PFKFB2: variants seen among roughly 807,000 people sequenced by gnomAD.
PFKFB2 encodes the protein 6-phosphofructo-2-kinase/fructose-2,6-bisphosphatase 2.
A neutral mutation model predicts 68.0 loss-of-function variants in PFKFB2; 53 were observed. That is an observed-to-expected ratio of 0.78 (90% CI 0.63 to 0.98). PFKFB2 has a LOEUF of 0.98. Ranked by LOEUF, PFKFB2 falls within the 50% of genes least tolerant of loss-of-function variation. PFKFB2 has a pLI of 0.00. For missense variants in PFKFB2, 451 were observed against 642.0 expected (o/e 0.70, Z 3.22); for synonymous variants, 222 against 227.6 (o/e 0.98, Z 0.22).
chr1:207,071,498 T>G lies in PFKFB2; in HGVS notation c.1286-11T>G, dbSNP rs1683464805. The stretch of plus-strand genomic sequence containing the variant: ...TTTTCTTTAAGTCCTCTCTTTCCTC[T>G]GTTTTCTCAGGGTGCAAAGTGGAAA... On this transcript the variant is annotated splice_polypyrimidine_tract_variant and intron_variant, in intron 13 of 14. Coordinates refer to ENST00000367080, the MANE Select transcript of PFKFB2 (RefSeq NM_006212.2). 1 of 1,611,044 alleles carries G rather than the reference T, an allele frequency of 6.2e-7. No homozygotes were observed. The highest frequency in any genetic ancestry group is 1.7e-5 in the Admixed American group (1 of 59,952).
At position 207,074,851 on chromosome 1, in the gene PFKFB2, C is replaced by T. The variant is rs898900855; in HGVS notation, c.*2480C>T. 1.0e-6 allele frequency: 1 copy of T among 985,336 alleles called. No individual in the cohort carries two copies. Among genetic ancestry groups the T allele is most frequent in the East Asian group, 1.1e-4 (1 of 8,830 alleles). The allele number at this position is 985,336 out of a possible 1,614,324, so 61.0% of individuals were successfully genotyped here. ...AGTGTTCAACCATCACATCGCTTCTCCTGACTTTTCTGTTGTCCTATGGCT... is the reference window on the plus strand; with the variant it reads ...AGTGTTCAACCATCACATCGCTTCTTCTGACTTTTCTGTTGTCCTATGGCT... On this transcript the variant is annotated 3_prime_UTR_variant, in exon 15 of 15. Transcript: ENST00000367080.
chr1:207,036,464 G>A lies in PFKFB2; in HGVS notation c.-62+1992G>A, dbSNP rs186959823. Among the ~76,000 whole-genome samples, 305 of 152,186 alleles carry A rather than the reference G, an allele frequency of 2.0e-3. 4 individuals carry two copies. Among genetic ancestry groups the A allele is most frequent in the African/African-American group, 7.0e-3 (292 of 41,518 alleles). ...CTCAAATGGGTACTTTATACTTCAG[G>A]CAATTACTACTTTTCTCTAGGAAGC... On this transcript the variant is annotated intron_variant, in intron 1 of 5. Coordinates refer to the PFKFB2 transcript ENST00000545806.
intron 1 of PFKFB2, among the ~76,000 whole-genome samples, chr1:207,053,961 T>A (rs1682837287): frequency 6.9e-6 from 1 of 144,322 alleles, no homozygotes. Context: ...TGGAGTGCAG[T>A]GGCGGGATCT....
chr1:207,079,126 C>A, downstream of PFKFB2: 2 of 927,916 alleles, frequency 2.2e-6, no homozygotes, highest in Admixed American at 1.8e-5. Context: ...GGGAACTGGA[C>A]TTTGGGGGCC....
chr1:207,077,903 A>G (rs1219770325), downstream of PFKFB2: 8 of 565,156 alleles, frequency 1.4e-5, no homozygotes, highest in South Asian at 5.4e-4. Flanking sequence ...CTCATGCTGC[A>G]CAAGGATTCA....
chr1:207,038,208 T>C (rs1236446144), intron 1 of PFKFB2, among the ~76,000 whole-genome samples: 1 of 152,218 alleles, frequency 6.6e-6, no homozygotes, highest in Non-Finnish European at 1.5e-5. Flanking sequence ...TGTTCATTCA[T>C]TCAACTATAT....
intron 1 of PFKFB2, among the ~76,000 whole-genome samples, chr1:207,039,337 AC>A (rs1296171176): frequency 6.6e-6 from 1 of 152,214 alleles, no homozygotes; most frequent in East Asian, 1.9e-4. Flanking sequence ...AATTCCAGTA[AC>A]TGTAAAATTT....
chr1:207,038,560 A>C (rs1682421451), intron 1 of PFKFB2, among the ~76,000 whole-genome samples: 2 of 152,198 alleles, frequency 1.3e-5, no homozygotes, highest in South Asian at 4.1e-4. Flanking sequence ...TTTATTTTTC[A>C]ACTGATTAGT....
upstream of PFKFB2, chr1:207,048,938 T>C (rs1437154744): frequency 2.4e-6 from 3 of 1,263,028 alleles, no homozygotes; most frequent in African/African-American, 1.5e-5. Context: ...CTTTGTTCTT[T>C]AGGGTTACCA....
rs533608024 is a variant in PFKFB2 at position 207,075,166 on chromosome 1, TA to T, written c.*2797del. The T allele has an allele frequency of 7.7e-5, 76 of 985,512 alleles. 1 individual carries two copies. In the South Asian group the frequency reaches 3.4e-3, roughly 44 times the overall value. 61.0% of individuals were successfully genotyped at this position (985,512 alleles called of 1,614,324 possible). ...CTTCTCTAACAAGCTAGCATTGTGT[TA>T]ACCTGTCATTAACCCAGCATTAGAG... On this transcript the variant is annotated 3_prime_UTR_variant, in exon 15 of 15. Transcript: ENST00000367080.
Position 207,068,182 on chromosome 1 carries a change from A to C in PFKFB2, c.860A>C (p.Lys287Thr), listed in dbSNP as rs1170424890. Residue 287 changes from lysine (K) to threonine (T), a missense_variant, in exon 10 of 15, where the codon AAA (lysine) becomes ACA (threonine). Coordinates refer to ENST00000367080, the MANE Select transcript of PFKFB2 (RefSeq NM_006212.2). ...RGKQFAQALR[K>T]FLEEQEITDL... ...CCCCAGTTTGCCCAAGCTCTAAGGAAATTTCTGGAGGAACAGGAAATAACA... is the reference window on the plus strand; with the variant it reads ...CCCCAGTTTGCCCAAGCTCTAAGGACATTTCTGGAGGAACAGGAAATAACA... The C allele has an allele frequency of 6.8e-6, 11 of 1,609,042 alleles. 1 individual carries two copies. In the South Asian group the frequency reaches 1.1e-4, roughly 16 times the overall value.
Position 207,076,302 on chromosome 1 carries a change from T to C in PFKFB2, c.*3931T>C. On this transcript the variant is annotated 3_prime_UTR_variant, in exon 15 of 15. Coordinates refer to ENST00000367080, the MANE Select transcript of PFKFB2 (RefSeq NM_006212.2). ...GAGATCTTAATTGACAGAAACTCAT[T>C]GGTGGTTGGAGTGGCCAATGGGCAC... 1 of 983,238 alleles carries C rather than the reference T, an allele frequency of 1.0e-6. No individual in the cohort carries two copies. Among genetic ancestry groups the C allele is most frequent in the Non-Finnish European group, 1.2e-6 (1 of 828,280 alleles). The allele number at this position is 983,238 out of a possible 1,614,324, so 60.9% of individuals were successfully genotyped here. A position where few individuals can be genotyped will look rare whatever the true frequency, so the allele number is the denominator to read the frequency against.
At chr1:207,040,494 G>A (rs1038010607) in intron 1 of PFKFB2, among the ~76,000 whole-genome samples, 2 of 151,692 alleles carry the variant, frequency 1.3e-5, no homozygotes, top group African/African-American at 4.9e-5. Context: ...GAGAGAGAAG[G>A]CTATTCATTC....
Position 207,072,683 on chromosome 1 carries a change from C to T in PFKFB2, c.*312C>T, listed in dbSNP as rs1289258317. On this transcript the variant is annotated 3_prime_UTR_variant, in exon 15 of 15. Transcript: ENST00000367080. ...CACTCCCTTGGGGCTGAGCATGCCC[C>T]ACACTCTTGGATCTTCTCTCTGTTC... 1.6e-5 allele frequency: 18 copies of T among 1,108,346 alleles called. No individual in the cohort carries two copies. Among genetic ancestry groups the T allele is most frequent in the Non-Finnish European group, 2.0e-5 (18 of 907,910 alleles). 68.7% of individuals were successfully genotyped at this position (1,108,346 alleles called of 1,614,324 possible). A position where few individuals can be genotyped will look rare whatever the true frequency, so the allele number is the denominator to read the frequency against.
intron 2 of PFKFB2, chr1:207,046,886 A>T (rs1220962344): frequency 6.6e-6 from 1 of 152,126 alleles, no homozygotes. Context: ...TTACTCAATA[A>T]ATATTTGTTG....
chr1:207,049,713 C>A (rs762097015), upstream of PFKFB2: 2 of 1,612,512 alleles, frequency 1.2e-6, no homozygotes, highest in South Asian at 2.2e-5. Context: ...CTTCAATGAT[C>A]AGCATGTCAC....
At position 207,072,710 on chromosome 1, in the gene PFKFB2, C is replaced by T; in HGVS notation, c.*339C>T. On this transcript the variant is annotated 3_prime_UTR_variant, in exon 15 of 15. Transcript: ENST00000367080. ...CACTCTTGGATCTTCTCTCTGTTCCCTGGTGTCTTCACTAATGTCCTCATG... is the reference window on the plus strand; with the variant it reads ...CACTCTTGGATCTTCTCTCTGTTCCTTGGTGTCTTCACTAATGTCCTCATG... The T allele has an allele frequency of 9.5e-7, 1 of 1,056,790 alleles. No individual in the cohort carries two copies. The highest frequency in any genetic ancestry group is 1.1e-6 in the Non-Finnish European group (1 of 876,268). The allele number at this position is 1,056,790 out of a possible 1,614,324, so 65.5% of individuals were successfully genotyped here. A position where few individuals can be genotyped will look rare whatever the true frequency, so the allele number is the denominator to read the frequency against.
In PFKFB2 at chr1:207,060,190, A is replaced by G. The variant is rs1202642462; in HGVS notation, c.86-1763A>G. On this transcript the variant is annotated intron_variant, in intron 2 of 14. Coordinates refer to ENST00000367080, the MANE Select transcript of PFKFB2 (RefSeq NM_006212.2). ...GATGAGGAACCTCTTTTTATGGAGA[A>G]AAGCTGCAAGGAAGCACAAGATCTG... 1.3e-5 allele frequency among the ~76,000 whole-genome samples: 2 copies of G among 152,208 alleles called. 1 individual carries two copies. The highest frequency in any genetic ancestry group is 2.9e-5 in the Non-Finnish European group (2 of 68,038).
rs1683616225 is a variant in PFKFB2 at position 207,076,165 on chromosome 1, A to C, written c.*3794A>C. ...ATCTGGGTAATCCTCTTTGCAACCC[A>C]CATTTGGTCTTCAGAGACACTGGCA... On this transcript the variant is annotated 3_prime_UTR_variant, in exon 15 of 15. Coordinates refer to ENST00000367080, the MANE Select transcript of PFKFB2 (RefSeq NM_006212.2). 6 of 985,028 alleles carry C rather than the reference A, an allele frequency of 6.1e-6. No homozygotes were observed. The highest frequency in any genetic ancestry group is 7.2e-6 in the Non-Finnish European group (6 of 829,722). The allele number at this position is 985,028 out of a possible 1,614,324, so 61.0% of individuals were successfully genotyped here.
Sources: gnomAD v4.1 joint callset for allele counts (sites outside exome capture counted in the v4.1 genomes callset) on GRCh38, gnomAD v4.1.1 for gene constraint, MANE v1.5 for transcripts, NCBI Gene and HGNC (gene_info 2026-07-23, HGNC 2026-07-21) for gene names.